Variants in CDC42SE2 observed in about 807,000 individuals in gnomAD.
CDC42SE2 encodes the protein CDC42 small effector protein 2.
Under a neutral mutation model 11.5 loss-of-function variants are expected in CDC42SE2, and 3 were observed. The observed-to-expected ratio is 0.26, with a 90% CI of 0.12 to 0.67. The LOEUF (loss-of-function observed/expected upper bound fraction) is 0.67, where lower values mean the gene tolerates loss of function less well. CDC42SE2 is among the 30% of genes least tolerant of loss of function. CDC42SE2 has a pLI of 0.80. For synonymous variants in CDC42SE2, 33 were observed against 34.8 expected, an observed-to-expected ratio of 0.95 and a Z score of 0.18; for missense variants, 82 against 106.8, an observed-to-expected ratio of 0.77 and a Z score of 1.02.
chr5:131,313,217 C>T (rs549086311), intron 1 of CDC42SE2, among the ~76,000 whole-genome samples: 6 of 152,106 alleles, frequency 3.9e-5, no homozygotes, highest in East Asian at 3.9e-4. Flanking sequence ...CTCCTGACCT[C>T]GTGATCTGCC....
At chr5:131,262,097 C>T (rs1419977175), upstream of CDC42SE2, among the ~76,000 whole-genome samples, 1 of 151,482 alleles carries the variant, frequency 6.6e-6, no homozygotes, top group East Asian at 1.9e-4. Flanking sequence ...AAGGCATTCA[C>T]ACAAGGTTAC....
At chr5:131,300,560 G>A (rs1036381207) in intron 1 of CDC42SE2, among the ~76,000 whole-genome samples, 8 of 152,092 alleles carry the variant, frequency 5.3e-5, no homozygotes, top group Non-Finnish European at 7.4e-5. Flanking sequence ...CGAGGCGGGC[G>A]GATCATGAGG....
chr5:131,263,211 T>A (rs1010893354), upstream of CDC42SE2, among the ~76,000 whole-genome samples: 1 of 149,920 alleles, frequency 6.7e-6, no homozygotes, highest in Non-Finnish European at 1.5e-5. Context: ...AAAATGAGAG[T>A]ATGAGAGGAG....
intron 1 of CDC42SE2, among the ~76,000 whole-genome samples, chr5:131,276,420 C>T (rs559462494): frequency 4.0e-5 from 6 of 151,576 alleles, no homozygotes; most frequent in South Asian, 2.1e-4. Context: ...CTGCAGTCTA[C>T]CCTGGGTGAC....
intron 3 of CDC42SE2, among the ~76,000 whole-genome samples, chr5:131,362,663 A>G (rs921989653): frequency 6.6e-6 from 1 of 152,164 alleles, no homozygotes; most frequent in Non-Finnish European, 1.5e-5. Context: ...ATAGTAGAAT[A>G]ATCATTTTTC....
intron 2 of CDC42SE2, among the ~76,000 whole-genome samples, chr5:131,358,497 T>C (rs1021311610): frequency 1.1e-4 from 17 of 152,086 alleles, no homozygotes; most frequent in African/African-American, 4.1e-4. Context: ...CAGTCAGAAA[T>C]AAAAAATAGG....
chr5:131,290,776 G>A (rs1370869763), intron 1 of CDC42SE2, among the ~76,000 whole-genome samples: 2 of 152,082 alleles, frequency 1.3e-5, no homozygotes, highest in African/African-American at 4.8e-5. Context: ...CACCATGCCT[G>A]GCCATAACTG....
chr5:131,252,401 C>G (rs1014048037), intron 1 of CDC42SE2, among the ~76,000 whole-genome samples: 1 of 152,194 alleles, frequency 6.6e-6, no homozygotes, highest in Non-Finnish European at 1.5e-5. Flanking sequence ...CGCCTGTAAT[C>G]CCAGCACTTT....
rs113170833 is a variant in CDC42SE2, at chr5:131,342,278, CAAA to C, written c.-285-16917_-285-16915del. 8.8e-3 allele frequency among the ~76,000 whole-genome samples: 1,075 copies of C among 122,856 alleles called. 10 individuals carry two copies. The highest frequency in any genetic ancestry group is 0.026 in the African/African-American group (873 of 33,192). 80.6% of individuals were successfully genotyped at this position (122,856 alleles called of 152,430 possible). On this transcript the variant is annotated intron_variant, in intron 2 of 4. Coordinates refer to ENST00000505065, the MANE Select transcript of CDC42SE2 (RefSeq NM_001375635.1). ...CTGGTGACAGAGTAAGACTCCTTCT[CAAA>C]AAAAAAAAAAAAAGGTAAATACCAG...
At chr5:131,281,602 A>C (rs533449732) in intron 1 of CDC42SE2, among the ~76,000 whole-genome samples, 1 of 152,266 alleles carries the variant, frequency 6.6e-6, no homozygotes, top group South Asian at 2.1e-4. Flanking sequence ...TTTAAGATTT[A>C]TTTTGTGAAC....
At position 131,391,709 on chromosome 5, in the gene CDC42SE2, T is replaced by G. The variant is rs1359336924; in HGVS notation, c.*618T>G. On this transcript the variant is annotated 3_prime_UTR_variant, in exon 5 of 5. Transcript: ENST00000505065. Reference sequence around the variant, plus strand: ...ATACTAAAGATAATCTCTTGGGTAGTAATTTTACAGTTAAGACTTCATTGT... The same window carrying G: ...ATACTAAAGATAATCTCTTGGGTAGGAATTTTACAGTTAAGACTTCATTGT... The G allele has an allele frequency of 6.6e-6, 1 of 152,260 alleles. No homozygotes were observed. Among genetic ancestry groups the G allele is most frequent in the Admixed American group, 6.5e-5 (1 of 15,288 alleles). 9.4% of individuals were successfully genotyped at this position (152,260 alleles called of 1,614,324 possible). A position where few individuals can be genotyped will look rare whatever the true frequency, so the allele number is the denominator to read the frequency against.
chr5:131,353,321 G>T (rs959255149), intron 2 of CDC42SE2, among the ~76,000 whole-genome samples: 1 of 145,822 alleles, frequency 6.9e-6, no homozygotes, highest in Non-Finnish European at 1.5e-5. Flanking sequence ...TTGTTCTGTT[G>T]CCCGGGCTGG....
intron 2 of CDC42SE2, among the ~76,000 whole-genome samples, chr5:131,332,215 G>GT (rs1198569173): frequency 2.6e-5 from 4 of 152,138 alleles, no homozygotes; most frequent in African/African-American, 4.8e-5. Flanking sequence ...AGAACATGCG[G>GT]TGTTTGGTTT....
At chr5:131,269,047 C>T (rs746375490) in intron 1 of CDC42SE2, among the ~76,000 whole-genome samples, 6 of 151,996 alleles carry the variant, frequency 3.9e-5, no homozygotes, top group African/African-American at 1.5e-4. Context: ...CCGTGCCAGG[C>T]GAGGAATTTA....
intron 4 of CDC42SE2, among the ~76,000 whole-genome samples, chr5:131,387,838 C>G (rs1328793886): frequency 1.3e-5 from 2 of 152,098 alleles, no homozygotes; most frequent in Non-Finnish European, 2.9e-5. Flanking sequence ...CTGAAGTGGA[C>G]TTTTTATGAA....
intron 2 of CDC42SE2, among the ~76,000 whole-genome samples, chr5:131,336,684 T>C (rs1758571141): frequency 6.6e-6 from 1 of 152,228 alleles, no homozygotes; most frequent in Admixed American, 6.5e-5. Context: ...TTATTCTTTT[T>C]TCTCTAAACT....
intron 3 of CDC42SE2, among the ~76,000 whole-genome samples, chr5:131,376,960 A>C (rs1750172574): frequency 6.6e-6 from 1 of 152,148 alleles, no homozygotes. Context: ...ATATGTGTAC[A>C]TGTGTCTTTA....
At position 131,313,273 on chromosome 5, in the gene CDC42SE2, C is replaced by T. The variant is rs183796248; in HGVS notation, c.-454-2703C>T. 5.3e-5 allele frequency among the ~76,000 whole-genome samples: 8 copies of T among 152,222 alleles called. 1 individual carries two copies. The highest frequency in any genetic ancestry group is 3.9e-4 in the Admixed American group (6 of 15,288). On this transcript the variant is annotated intron_variant, in intron 1 of 4. Coordinates refer to ENST00000505065, the MANE Select transcript of CDC42SE2 (RefSeq NM_001375635.1). ...CTGGGATTACAGGCATGAGCCACCG[C>T]GCCTGGCCCCTCTCTTCTTCCTTTT... is the stretch of plus-strand genomic sequence containing the variant.
At chr5:131,214,375 C>T in the CDC42SE2 span, among the ~76,000 whole-genome samples, 11 of 151,828 alleles carry the variant, frequency 7.2e-5, no homozygotes, top group Non-Finnish European at 1.3e-4. Context: ...ACCATATCTC[C>T]AGAAGAAAAA....
Sources: allele counts gnomAD v4.1 joint callset (sites outside exome capture counted in the v4.1 genomes callset), GRCh38; gene constraint gnomAD v4.1.1; transcripts MANE v1.5; gene names NCBI Gene and HGNC (gene_info 2026-07-23, HGNC 2026-07-21).